The following PCDH15 variants were observed in gnomAD, a reference collection of about 807,000 sequenced individuals.
PCDH15 encodes the protein protocadherin related 15, also known as protocadherin-15.
Under a neutral mutation model 178.5 loss-of-function variants are expected in PCDH15, and 129 were observed. The observed-to-expected ratio is 0.72, with a 90% CI of 0.63 to 0.84. The LOEUF (loss-of-function observed/expected upper bound fraction) is 0.84, where lower values mean the gene tolerates loss of function less well. Among genes scored for constraint, PCDH15 ranks in the 40% least tolerant of loss-of-function variants. The pLI is 0.00. For synonymous variants in PCDH15, 800 were observed against 732.0 expected (o/e 1.09, Z -1.50); for missense variants, 2,230 against 2,099.9 (o/e 1.06, Z -1.21).
intron 3 of PCDH15, among the ~76,000 whole-genome samples, chr10:54,426,489 C>A (rs1158272443): frequency 6.6e-6 from 1 of 152,062 alleles, no homozygotes; most frequent in Non-Finnish European, 1.5e-5. Context: ...ACTCATCCAC[C>A]TCTCCCATCC....
intron 2 of PCDH15, among the ~76,000 whole-genome samples, chr10:55,430,862 C>A (rs892403093): frequency 1.3e-5 from 2 of 152,032 alleles, no homozygotes; most frequent in Non-Finnish European, 2.9e-5. Context: ...CACGACTACC[C>A]AGTTTATGTA....
At chr10:55,449,988 AC>A (rs1425437004) in intron 2 of PCDH15, among the ~76,000 whole-genome samples, 1 of 152,186 alleles carries the variant, frequency 6.6e-6, no homozygotes, top group African/African-American at 2.4e-5. Context: ...GAACATATAA[AC>A]AAATAAAATA....
intron 1 of PCDH15, among the ~76,000 whole-genome samples, chr10:54,737,694 TTGAAAC>T (rs141059628): frequency 0.12 from 18,967 of 152,054 alleles, 1,318 homozygotes; most frequent in African/African-American, 0.18. Flanking sequence ...TAGTCAAACT[TTGAAAC>T]TGATGTGTTT....
At chr10:55,160,300 A>T (rs1224864481) in intron 2 of PCDH15, among the ~76,000 whole-genome samples, 2 of 151,716 alleles carry the variant, frequency 1.3e-5, no homozygotes, top group Non-Finnish European at 2.9e-5. Context: ...TCCGGGAGGC[A>T]GCCCTGACAT....
intron 26 of PCDH15, among the ~76,000 whole-genome samples, chr10:53,892,185 C>G (rs1002464273): frequency 2.4e-4 from 37 of 151,850 alleles, no homozygotes; most frequent in African/African-American, 8.5e-4. Context: ...CCACTGCACC[C>G]GGCTAATTTT....
At chr10:54,712,719 C>G (rs2095438903) in intron 1 of PCDH15, among the ~76,000 whole-genome samples, 1 of 151,800 alleles carries the variant, frequency 6.6e-6, no homozygotes, top group Non-Finnish European at 1.5e-5. Context: ...ACATTTAGCA[C>G]CCCCTAAGAT....
intron 3 of PCDH15, among the ~76,000 whole-genome samples, chr10:54,414,096 C>A (rs1014058559): frequency 2.6e-5 from 4 of 151,962 alleles, no homozygotes; most frequent in Non-Finnish European, 5.9e-5. Flanking sequence ...TAAAACACTA[C>A]AAAAGAAAAT....
intron 2 of PCDH15, among the ~76,000 whole-genome samples, chr10:54,927,961 G>T (rs544622551): frequency 1.3e-5 from 2 of 151,758 alleles, no homozygotes; most frequent in African/African-American, 4.8e-5. Context: ...GTTACGTGTC[G>T]GTGTGATTCT....
chr10:53,955,328 A>G (rs1344279393), intron 23 of PCDH15, among the ~76,000 whole-genome samples: 1 of 152,292 alleles, frequency 6.6e-6, no homozygotes, highest in East Asian at 1.9e-4. Flanking sequence ...TTCCTATTAC[A>G]GTGACCTAAA....
intron 2 of PCDH15, among the ~76,000 whole-genome samples, chr10:55,352,698 A>G (rs1844968764): frequency 6.6e-6 from 1 of 152,108 alleles, no homozygotes; most frequent in South Asian, 2.1e-4. Flanking sequence ...ATTTTAAGCA[A>G]AAGTAAGGCT....
intron 8 of PCDH15, among the ~76,000 whole-genome samples, chr10:54,242,138 A>T (rs1426584124): frequency 1.5e-3 from 20 of 13,180 alleles, no homozygotes; most frequent in African/African-American, 7.2e-3. Context: ...TTTTATATAT[A>T]TATATATATA....
At chr10:55,027,685 C>G (rs867163384) in intron 2 of PCDH15, among the ~76,000 whole-genome samples, 1 of 151,694 alleles carries the variant, frequency 6.6e-6, no homozygotes, top group African/African-American at 2.4e-5. Flanking sequence ...CATAATATAG[C>G]GATAGGACTC....
chr10:54,352,561 T>G (rs1944346552), intron 5 of PCDH15, among the ~76,000 whole-genome samples: 1 of 152,174 alleles, frequency 6.6e-6, no homozygotes, highest in African/African-American at 2.4e-5. Flanking sequence ...CTACAGTTAC[T>G]TATCATATAA....
intron 2 of PCDH15, among the ~76,000 whole-genome samples, chr10:54,552,409 A>C (rs1307582661): frequency 6.6e-6 from 1 of 152,144 alleles, no homozygotes; most frequent in African/African-American, 2.4e-5. Context: ...TTTATTTAAA[A>C]CTTTTTCATG....
At chr10:54,953,285 AT>A (rs1160345574) in intron 2 of PCDH15, among the ~76,000 whole-genome samples, 2 of 151,480 alleles carry the variant, frequency 1.3e-5, no homozygotes, top group East Asian at 3.9e-4. Context: ...AATCATATAT[AT>A]TTTTCTTCTA....
intron 6 of PCDH15, 131 bp downstream of exon 6, chr10:54,346,234 C>A: frequency 1.2e-6 from 1 of 859,452 alleles, no homozygotes; most frequent in South Asian, 1.7e-5. Flanking sequence ...AATTTTGAGA[C>A]ATTTTTAAAT....
chr10:53,986,692 G>T (rs1302296193), intron 21 of PCDH15, among the ~76,000 whole-genome samples: 4 of 152,180 alleles, frequency 2.6e-5, no homozygotes, highest in Non-Finnish European at 4.4e-5. Context: ...AACGAATCTT[G>T]AGGACATTAT....
intron 2 of PCDH15, among the ~76,000 whole-genome samples, chr10:54,547,657 T>A (rs2086015301): frequency 6.6e-6 from 1 of 152,150 alleles, no homozygotes; most frequent in Non-Finnish European, 1.5e-5. Context: ...TATAACTGGA[T>A]CACACTATTT....
intron 1 of PCDH15, among the ~76,000 whole-genome samples, chr10:54,746,149 T>C (rs769336788): frequency 1.3e-5 from 2 of 152,154 alleles, no homozygotes; most frequent in Non-Finnish European, 2.9e-5. Flanking sequence ...TGACACCTTG[T>C]TGTGGGGGTG....
Sources: allele counts gnomAD v4.1 joint callset (sites outside exome capture counted in the v4.1 genomes callset), GRCh38; gene constraint gnomAD v4.1.1; transcripts MANE v1.5; gene names NCBI Gene and HGNC (gene_info 2026-07-23, HGNC 2026-07-21).